Variants in NAV3 observed in about 807,000 individuals in gnomAD.
NAV3 encodes the protein pore membrane and/or filament interacting like protein 1.
Under a neutral mutation model 244.7 loss-of-function variants are expected in NAV3, and 87 were observed. The ratio of observed to expected loss-of-function variants is 0.36; its 90% confidence interval spans 0.30 to 0.42. The LOEUF (loss-of-function observed/expected upper bound fraction) is 0.42. NAV3 is among the 20% of genes least tolerant of loss of function. The pLI is 1.00. For missense variants in NAV3, 2,663 were observed against 2,893.3 expected, an observed-to-expected ratio of 0.92 and a Z score of 1.83; for synonymous variants, 1,126 against 1,042.2, an observed-to-expected ratio of 1.08 and a Z score of -1.55.
chr12:78,167,684 T>A (rs996545242), intron 23 of NAV3, among the ~76,000 whole-genome samples: 1 of 151,632 alleles, frequency 6.6e-6, no homozygotes, highest in Non-Finnish European at 1.5e-5. Flanking sequence ...GAGGCCCGAT[T>A]CTTTGGCTTT....
intron 8 of NAV3, among the ~76,000 whole-genome samples, chr12:78,010,684 GA>G (rs1447273988): frequency 6.6e-6 from 1 of 151,952 alleles, no homozygotes; most frequent in Non-Finnish European, 1.5e-5. Context: ...TTCTCAATCA[GA>G]ACTCATTTAT....
At chr12:77,581,223 T>G (rs1869350365) in intron 2 of NAV3, among the ~76,000 whole-genome samples, 1 of 152,238 alleles carries the variant, frequency 6.6e-6, no homozygotes, top group Non-Finnish European at 1.5e-5. Flanking sequence ...CCACATCTAT[T>G]GCTTTTTTTC....
At chr12:77,931,416 T>C (rs1045138658) in intron 1 of NAV3, among the ~76,000 whole-genome samples, 2 of 151,816 alleles carry the variant, frequency 1.3e-5, no homozygotes, top group Admixed American at 6.6e-5. Flanking sequence ...GTATTAATTT[T>C]AATTTCCCTG....
At chr12:77,893,300 A>T (rs1021886556) in intron 1 of NAV3, among the ~76,000 whole-genome samples, 1 of 152,298 alleles carries the variant, frequency 6.6e-6, no homozygotes, top group Admixed American at 6.5e-5. Context: ...CTATCAAAGC[A>T]AACCATTTCT....
chr12:77,627,922 G>A lies in NAV3; in HGVS notation c.72+55656G>A, dbSNP rs376675062. ...AGTGAAATAAGCCAAGAGCAGAAAC[G>A]AAAATATCACATGTTCTCACTCATA... On this transcript the variant is annotated intron_variant, in intron 2 of 8. Coordinates refer to the NAV3 transcript ENST00000550042. Among the ~76,000 whole-genome samples, 4 of 152,220 alleles carry A rather than the reference G, an allele frequency of 2.6e-5. No homozygotes were observed. In the East Asian group the frequency reaches 5.8e-4, roughly 22 times the overall value.
At chr12:77,895,951 C>T (rs1884567979) in intron 1 of NAV3, among the ~76,000 whole-genome samples, 1 of 72,734 alleles carries the variant, frequency 1.4e-5, no homozygotes, top group Non-Finnish European at 2.4e-5. Flanking sequence ...ATCTCAATTT[C>T]CAGTAAAAAA....
chr12:77,697,858 CAGA>C (rs974829629), intron 2 of NAV3, among the ~76,000 whole-genome samples: 34 of 152,066 alleles, frequency 2.2e-4, no homozygotes, highest in African/African-American at 8.0e-4. Flanking sequence ...CAGGGATTCC[CAGA>C]AGAAGTGACA....
Position 78,007,422 on chromosome 12 carries a change from G to A in NAV3, c.1884G>A (p.Ala628=), listed in dbSNP as rs552754684. The stretch of plus-strand genomic sequence containing the variant: ...AGCAACATAGCCACCCGAATACCGC[G>A]ACAGTGGCACCATTCATTTACAGGT... ...QQQQHSHPNT[A]TVAPFIYRAH... Residue 628 remains alanine, a synonymous_variant, in exon 8 of 40, where the codon GCG becomes GCA. Transcript: ENST00000397909. 4.8e-5 allele frequency: 77 copies of A among 1,613,816 alleles called. 2 individuals are homozygous for A. Among genetic ancestry groups the A allele is most frequent in the South Asian group, 4.3e-4 (39 of 91,050 alleles).
At chr12:77,888,208 T>C (rs1883519939) in intron 1 of NAV3, among the ~76,000 whole-genome samples, 1 of 152,094 alleles carries the variant, frequency 6.6e-6, no homozygotes, top group Non-Finnish European at 1.5e-5. Context: ...ATTATCCAAA[T>C]AGGCCAAGCA....
intron 2 of NAV3, among the ~76,000 whole-genome samples, chr12:77,820,712 A>G (rs1872705186): frequency 6.6e-6 from 1 of 152,162 alleles, no homozygotes; most frequent in Non-Finnish European, 1.5e-5. Context: ...GTGTGTGACA[A>G]GCACTACAAC....
chr12:78,100,936 A>G (rs1954508202), intron 12 of NAV3, among the ~76,000 whole-genome samples: 1 of 152,148 alleles, frequency 6.6e-6, no homozygotes, highest in African/African-American at 2.4e-5. Flanking sequence ...GATAATGGCT[A>G]TCTAAAGTTA....
At chr12:78,192,629 C>T (rs1959035199) in intron 34 of NAV3, among the ~76,000 whole-genome samples, 1 of 151,790 alleles carries the variant, frequency 6.6e-6, no homozygotes, top group Non-Finnish European at 1.5e-5. Flanking sequence ...GCAGGATGGT[C>T]TCAATCCCCT....
intron 1 of NAV3, among the ~76,000 whole-genome samples, chr12:77,881,629 G>A (rs1305847242): frequency 2.0e-5 from 3 of 152,204 alleles, no homozygotes; most frequent in Non-Finnish European, 2.9e-5. Context: ...AGGAAAATAA[G>A]TCAAACTGTC....
At chr12:77,952,068 T>TAAAAA (rs35164374) in intron 3 of NAV3, among the ~76,000 whole-genome samples, 1 of 140,044 alleles carries the variant, frequency 7.1e-6, no homozygotes, top group Non-Finnish European at 1.5e-5. Context: ...AAAGTATAAT[T>TAAAAA]AAAAAAAAAA....
chr12:78,035,718 C>A (rs1879742390), intron 9 of NAV3, among the ~76,000 whole-genome samples: 1 of 152,050 alleles, frequency 6.6e-6, no homozygotes, highest in African/African-American at 2.4e-5. Context: ...TTATTTTTTT[C>A]TTTCTATTTC....
rs768126294 is a variant in NAV3 at position 78,118,192 on chromosome 12, G to T, written c.2935G>T (p.Ala979Ser). 6.2e-7 allele frequency: 1 copy of T among 1,613,968 alleles called. No homozygotes were observed. Among genetic ancestry groups the T allele is most frequent in the East Asian group, 2.2e-5 (1 of 44,834 alleles). The change falls in exon 14 of 40, where the codon GCT (alanine) becomes TCT (serine). Residue 979 changes from alanine (A) to serine (S), a missense_variant. Physicochemically the swap from Ala to Ser is moderately conservative, Grantham distance 99 (BLOSUM62 1). This residue lies in a region of NAV3 where 1,521 missense variants were observed against 1,497.0 expected (regional missense o/e 1.02). Transcript: ENST00000397909. Reference protein sequence around the residue: ...PEDPEKAGQKASLSVSQTGSW... With the variant: ...PEDPEKAGQKSSLSVSQTGSW... ...AGACCCCGAGAAGGCAGGGCAGAAA[G>T]CTTCCCTGTCTGTTTCACAGACAGG...
At chr12:78,164,363 C>A (rs1593862369) in intron 23 of NAV3, among the ~76,000 whole-genome samples, 1 of 151,974 alleles carries the variant, frequency 6.6e-6, no homozygotes, top group South Asian at 2.1e-4. Context: ...TTTGTTACCT[C>A]TCTGAAACAT....
At chr12:77,999,294 A>C (rs1201006966) in intron 7 of NAV3, among the ~76,000 whole-genome samples, 3 of 152,246 alleles carry the variant, frequency 2.0e-5, no homozygotes, top group Non-Finnish European at 4.4e-5. Context: ...TTTTCAAATC[A>C]ATAGAACTTC....
chr12:77,710,138 G>A (rs866856495), intron 2 of NAV3, among the ~76,000 whole-genome samples: 10 of 152,152 alleles, frequency 6.6e-5, no homozygotes, highest in Admixed American at 2.6e-4. Context: ...ATTAGGGCGT[G>A]CACTTTTTTC....
Sources: gnomAD v4.1 joint callset for allele counts (sites outside exome capture counted in the v4.1 genomes callset) on GRCh38, gnomAD v4.1.1 for gene constraint, gnomAD v4.1.1 regional missense constraint, MANE v1.5 for transcripts, NCBI Gene and HGNC (gene_info 2026-07-23, HGNC 2026-07-21) for gene names.